Variants in XKR4 observed in about 807,000 individuals in gnomAD.
XKR4 encodes the protein XK related 4.
XKR4 carries 12 observed loss-of-function variants against 53.9 expected under a neutral mutation model. That is an observed-to-expected ratio of 0.22 (90% CI 0.14 to 0.36). XKR4 has a LOEUF of 0.36. Among genes scored for constraint, XKR4 ranks in the 10% least tolerant of loss-of-function variants. XKR4 has a pLI of 1.00. For missense variants in XKR4, 799 were observed against 859.5 expected (o/e 0.93, Z 0.88); for synonymous variants, 354 against 362.4 (o/e 0.98, Z 0.26).
intron 1 of XKR4, among the ~76,000 whole-genome samples, chr8:55,334,888 G>T (rs529271776): frequency 7.9e-5 from 12 of 152,218 alleles, no homozygotes; most frequent in African/African-American, 2.6e-4. Flanking sequence ...ATTTTCCTGG[G>T]TCCTTTGCTA....
At chr8:55,441,692 TA>T (rs1308446706) in intron 2 of XKR4, among the ~76,000 whole-genome samples, 2 of 152,178 alleles carry the variant, frequency 1.3e-5, no homozygotes, top group African/African-American at 2.4e-5. Flanking sequence ...ATAAATTAAT[TA>T]AAAAAATATA....
At chr8:55,183,267 A>G (rs536295504) in intron 1 of XKR4, among the ~76,000 whole-genome samples, 2 of 150,358 alleles carry the variant, frequency 1.3e-5, no homozygotes, top group African/African-American at 4.9e-5. Context: ...CTTGCTTTGG[A>G]TTGGAATTGA....
intron 1 of XKR4, among the ~76,000 whole-genome samples, chr8:55,266,883 G>A (rs949578297): frequency 6.6e-6 from 1 of 152,160 alleles, no homozygotes; most frequent in Admixed American, 6.5e-5. Flanking sequence ...TCGCATGCCT[G>A]TGGGATAGAG....
At chr8:55,334,391 T>C (rs1803425724) in intron 1 of XKR4, among the ~76,000 whole-genome samples, 1 of 152,212 alleles carries the variant, frequency 6.6e-6, no homozygotes, top group African/African-American at 2.4e-5. Context: ...GGCTGGGTCA[T>C]GATAACATCT....
At chr8:55,519,946 A>G (rs1335009204) in intron 2 of XKR4, among the ~76,000 whole-genome samples, 1 of 152,256 alleles carries the variant, frequency 6.6e-6, no homozygotes, top group Admixed American at 6.5e-5. Context: ...TTCTAGTCTT[A>G]TAATTTTTCT....
In XKR4 at chr8:55,523,310, C is replaced by T. The variant is rs1806827293; in HGVS notation, c.1036C>T (p.Leu346=). ...CACAGCGGCAGCTTCCCTCGTGTCC[C>T]TGGCCTGGGCCTTGGCCTCCTACCA... ...GFTAAASLVS[L]AWALASYQKA... is the part of the protein sequence containing the mutation. Residue 346 remains leucine (L), a synonymous_variant, in exon 3 of 3, where the codon CTG becomes TTG. Coordinates refer to ENST00000327381, the MANE Select transcript of XKR4 (RefSeq NM_052898.2). 1 of 1,611,580 alleles carries T rather than the reference C, an allele frequency of 6.2e-7. No individual in the cohort carries two copies. Among genetic ancestry groups the T allele is most frequent in the Non-Finnish European group, 8.5e-7 (1 of 1,178,684 alleles).
chr8:55,344,675 C>T (rs563086111), intron 1 of XKR4, among the ~76,000 whole-genome samples: 33 of 152,284 alleles, frequency 2.2e-4, no homozygotes, highest in African/African-American at 7.9e-4. Context: ...TTGTTAGGTA[C>T]AGTTGCTATG....
chr8:55,329,520 T>C (rs970609400), intron 1 of XKR4, among the ~76,000 whole-genome samples: 5 of 152,144 alleles, frequency 3.3e-5, no homozygotes, highest in Admixed American at 6.6e-5. Flanking sequence ...ATATTCTACA[T>C]GGACTAAGTT....
At chr8:55,195,065 T>C (rs1428829415) in intron 1 of XKR4, among the ~76,000 whole-genome samples, 1 of 152,206 alleles carries the variant, frequency 6.6e-6, no homozygotes, top group Non-Finnish European at 1.5e-5. Flanking sequence ...CAAGATTTTT[T>C]AGTATTTAAT....
chr8:55,399,286 T>C (rs983574817), intron 2 of XKR4, among the ~76,000 whole-genome samples: 9 of 152,190 alleles, frequency 5.9e-5, no homozygotes, highest in African/African-American at 2.2e-4. Context: ...AGAAGATGAA[T>C]GTCTGCTATG....
At chr8:55,341,265 A>G (rs573325886) in intron 1 of XKR4, among the ~76,000 whole-genome samples, 1 of 152,172 alleles carries the variant, frequency 6.6e-6, no homozygotes, top group Non-Finnish European at 1.5e-5. Flanking sequence ...CTCCTCTGTG[A>G]GGCAGTGGTC....
At chr8:55,400,453 T>A (rs892310291) in intron 2 of XKR4, among the ~76,000 whole-genome samples, 1 of 152,190 alleles carries the variant, frequency 6.6e-6, no homozygotes, top group African/African-American at 2.4e-5. Context: ...TTAGACCATA[T>A]GGAGAAGCAC....
At chr8:55,278,197 C>T (rs2129373433) in intron 1 of XKR4, among the ~76,000 whole-genome samples, 1 of 152,208 alleles carries the variant, frequency 6.6e-6, no homozygotes, top group South Asian at 2.1e-4. Flanking sequence ...ATTAGCCAGG[C>T]ATGGTGATGC....
At position 55,498,240 on chromosome 8, in the gene XKR4, G is replaced by C. The variant is rs560390056; in HGVS notation, c.1007-25041G>C. Among the ~76,000 whole-genome samples the C allele has an allele frequency of 7.9e-5, 12 of 152,352 alleles. No homozygotes were observed. The East Asian group carries it at 1.7e-3, about 22-fold the overall frequency. ...AGCCGCTGCGCCCTAAGGCCCACCTGTCTAACTGGACTAACCCGGTCCCAC... is the reference window on the plus strand; with the variant it reads ...AGCCGCTGCGCCCTAAGGCCCACCTCTCTAACTGGACTAACCCGGTCCCAC... On this transcript the variant is annotated intron_variant, in intron 2 of 2. Coordinates refer to ENST00000327381, the MANE Select transcript of XKR4 (RefSeq NM_052898.2).
intron 1 of XKR4, among the ~76,000 whole-genome samples, chr8:55,248,003 G>A (rs1352483547): frequency 2.0e-5 from 3 of 151,032 alleles, no homozygotes; most frequent in Non-Finnish European, 3.0e-5. Flanking sequence ...CTACAGGTGC[G>A]TGCCACTACA....
intron 2 of XKR4, among the ~76,000 whole-genome samples, chr8:55,522,975 T>C (rs1404430677): frequency 2.6e-5 from 4 of 151,982 alleles, no homozygotes; most frequent in African/African-American, 9.7e-5. Flanking sequence ...ACCCCGTCTC[T>C]ACTAAAAATA....
chr8:55,346,723 G>GTTTGTT (rs1314842738), intron 1 of XKR4, among the ~76,000 whole-genome samples: 42 of 147,410 alleles, frequency 2.8e-4, no homozygotes, highest in African/African-American at 9.9e-4. Flanking sequence ...GTGTGTGTGT[G>GTTTGTT]TGTTTAGAAA....
At chr8:55,296,481 C>A (rs1819102845) in intron 1 of XKR4, among the ~76,000 whole-genome samples, 1 of 152,050 alleles carries the variant, frequency 6.6e-6, no homozygotes, top group African/African-American at 2.4e-5. Context: ...AATTAATTAC[C>A]TTTTCAAAAG....
At chr8:55,504,984 A>G (rs1330981902) in intron 2 of XKR4, among the ~76,000 whole-genome samples, 1 of 151,308 alleles carries the variant, frequency 6.6e-6, no homozygotes, top group East Asian at 1.9e-4. Context: ...AATTTTGTTG[A>G]TCCTTTTAAA....
Sources: gnomAD v4.1 joint callset for allele counts (sites outside exome capture counted in the v4.1 genomes callset) on GRCh38, gnomAD v4.1.1 for gene constraint, MANE v1.5 for transcripts, NCBI Gene and HGNC (gene_info 2026-07-23, HGNC 2026-07-21) for gene names.